FGF12: variants seen among roughly 807,000 people sequenced by gnomAD.
The protein encoded by FGF12 is fibroblast growth factor 12B.
FGF12 carries 14 observed loss-of-function variants against 23.6 expected under a neutral mutation model. The ratio of observed to expected loss-of-function variants is 0.59; its 90% CI spans 0.39 to 0.93. The LOEUF is 0.93. Ranked by LOEUF, FGF12 falls within the 40% of genes least tolerant of loss-of-function variation. The probability of loss-of-function intolerance (pLI) is 0.00; values close to 1 mark genes in which losing one functional copy is unlikely to be tolerated. For missense variants in FGF12, 175 were observed against 217.8 expected, an observed-to-expected ratio of 0.80 and a Z score of 1.24; for synonymous variants, 62 against 77.3, an observed-to-expected ratio of 0.80 and a Z score of 1.04.
intron 2 of FGF12, among the ~76,000 whole-genome samples, chr3:192,444,604 T>C (rs1348781546): frequency 6.6e-6 from 1 of 152,210 alleles, no homozygotes; most frequent in Non-Finnish European, 1.5e-5. Context: ...TATGCCATAA[T>C]GCTGACAGGA....
At chr3:192,660,275 C>A (rs1278204511) in intron 2 of FGF12, among the ~76,000 whole-genome samples, 2 of 149,556 alleles carry the variant, frequency 1.3e-5, no homozygotes, top group Middle Eastern at 3.4e-3. Context: ...AAACCAAACA[C>A]CTCATGTTCT....
At chr3:192,716,958 A>T (rs750277367) in intron 2 of FGF12, among the ~76,000 whole-genome samples, 1 of 152,188 alleles carries the variant, frequency 6.6e-6, no homozygotes. Flanking sequence ...CCCAATGCTT[A>T]ATTAAGCCCC....
chr3:192,248,338 T>C (rs73193515), intron 4 of FGF12, among the ~76,000 whole-genome samples: 4,703 of 152,344 alleles, frequency 0.031, 96 homozygotes, highest in Middle Eastern at 0.088. Context: ...GCACTTTTCA[T>C]ATTCTCCATG....
intron 2 of FGF12, among the ~76,000 whole-genome samples, chr3:192,603,994 G>A (rs182140188): frequency 6.6e-5 from 10 of 152,120 alleles, no homozygotes; most frequent in Non-Finnish European, 1.0e-4. Flanking sequence ...CAGAGCGGCC[G>A]TTTATAGACC....
rs1419555493 is a variant in FGF12, at chr3:192,514,977, G to A, written c.14-154439C>T. 1.8e-6 allele frequency: 1 copy of A among 559,110 alleles called. No individual in the cohort carries two copies. Among genetic ancestry groups the A allele is most frequent in the Non-Finnish European group, 2.3e-6 (1 of 440,728 alleles). 34.6% of individuals were successfully genotyped at this position (559,110 alleles called of 1,614,324 possible). On this transcript the variant is annotated intron_variant, in intron 2 of 5. Coordinates refer to ENST00000445105, the MANE Select transcript of FGF12 (RefSeq NM_004113.6). The surrounding 1 kb of genome is among the most constrained non-coding windows in gnomAD (Gnocchi z 4.9). Reference sequence around the variant, plus strand: ...CGGGGGCAGCCCTCCGAGAGCCCGAGGCGCTGCCACCCCTCGGTGGGCTCG... The same window carrying A: ...CGGGGGCAGCCCTCCGAGAGCCCGAAGCGCTGCCACCCCTCGGTGGGCTCG...
At chr3:192,324,151 C>G (rs111529085) in intron 4 of FGF12, among the ~76,000 whole-genome samples, 7,532 of 151,548 alleles carry the variant, frequency 0.05, 542 homozygotes, top group African/African-American at 0.16. Context: ...AATATATATG[C>G]CTACCACGTG....
chr3:192,555,267 A>C (rs967230540), intron 2 of FGF12, among the ~76,000 whole-genome samples: 1 of 152,212 alleles, frequency 6.6e-6, no homozygotes, highest in Non-Finnish European at 1.5e-5. Flanking sequence ...AAAGTCAGAC[A>C]ATGAGAGAGT....
At chr3:192,560,124 T>C (rs79261997) in intron 2 of FGF12, among the ~76,000 whole-genome samples, 4,297 of 152,086 alleles carry the variant, frequency 0.028, 206 homozygotes, top group African/African-American at 0.096. Flanking sequence ...AGCACATTTG[T>C]AAATCACCCA....
chr3:192,164,572 G>A (rs1043590481), intron 5 of FGF12, among the ~76,000 whole-genome samples: 4 of 152,044 alleles, frequency 2.6e-5, no homozygotes, highest in African/African-American at 9.7e-5. Flanking sequence ...CAGCAGGACT[G>A]GGATAAAGGC....
At chr3:192,695,264 T>C (rs75819271) in intron 2 of FGF12, among the ~76,000 whole-genome samples, 5,623 of 152,262 alleles carry the variant, frequency 0.037, 376 homozygotes, top group African/African-American at 0.13. Context: ...ATTCACATTG[T>C]TCCTTTCACC....
intron 2 of FGF12, among the ~76,000 whole-genome samples, chr3:192,379,934 T>TA (rs1237144396): frequency 2.6e-5 from 4 of 152,214 alleles, no homozygotes; most frequent in African/African-American, 9.6e-5. Flanking sequence ...GACATTGACT[T>TA]ACGATTTTAT....
At chr3:192,329,189 A>C (rs549242472) in intron 4 of FGF12, among the ~76,000 whole-genome samples, 8 of 152,302 alleles carry the variant, frequency 5.3e-5, no homozygotes, top group African/African-American at 1.7e-4. Context: ...CAGCAAAATA[A>C]AAGTCAAGTG....
intron 2 of FGF12, among the ~76,000 whole-genome samples, chr3:192,501,532 G>A (rs1724132920): frequency 6.6e-6 from 1 of 152,108 alleles, no homozygotes; most frequent in African/African-American, 2.4e-5. Flanking sequence ...TCATCATGAT[G>A]ACTCATCTAG....
intron 2 of FGF12, among the ~76,000 whole-genome samples, chr3:192,714,764 C>T (rs1232915891): frequency 3.9e-5 from 6 of 152,138 alleles, no homozygotes; most frequent in Admixed American, 1.3e-4. Context: ...GTGATCCGCC[C>T]GCCTCGGCCT....
intron 2 of FGF12, among the ~76,000 whole-genome samples, chr3:192,647,691 A>ATATATGTGTATATATACATATATG (rs1560180786): frequency 3.8e-4 from 56 of 147,976 alleles, no homozygotes; most frequent in Middle Eastern, 3.6e-3. Context: ...ATACATATAT[A>ATATATGTGTATATATACATATATG]TGTATATATG....
intron 2 of FGF12, among the ~76,000 whole-genome samples, chr3:192,379,421 TAA>T (rs74271639): frequency 0.095 from 9,163 of 96,152 alleles, 642 homozygotes; most frequent in African/African-American, 0.24. Context: ...GAAACTGCTC[TAA>T]AAAAAAAAAA....
At chr3:192,364,348 T>A (rs1367499189) in intron 2 of FGF12, among the ~76,000 whole-genome samples, 2 of 151,458 alleles carry the variant, frequency 1.3e-5, no homozygotes, top group African/African-American at 4.9e-5. Context: ...CCATTACTGT[T>A]TTTCTTTTTC....
At chr3:192,257,146 A>T (rs545524590) in intron 4 of FGF12, among the ~76,000 whole-genome samples, 1 of 152,304 alleles carries the variant, frequency 6.6e-6, no homozygotes, top group South Asian at 2.1e-4. Context: ...CATTATTGCT[A>T]CATGCCTTTT....
chr3:192,397,294 C>G (rs532855583), intron 2 of FGF12, among the ~76,000 whole-genome samples: 7 of 152,284 alleles, frequency 4.6e-5, no homozygotes, highest in African/African-American at 1.4e-4. Context: ...CAGGGAAAGA[C>G]AGGTGAGGCA....
Sources: gnomAD v4.1 joint callset for allele counts (sites outside exome capture counted in the v4.1 genomes callset) on GRCh38, gnomAD v4.1.1 for gene constraint, Gnocchi (gnomAD v3.1) non-coding constraint, MANE v1.5 for transcripts, NCBI Gene and HGNC (gene_info 2026-07-23, HGNC 2026-07-21) for gene names.